Variants in ZNF223 observed in about 807,000 individuals in gnomAD.
The protein encoded by ZNF223 is Homo sapiens zinc finger protein 223.
Under a neutral mutation model 12.3 loss-of-function variants are expected in ZNF223, and 9 were observed. The observed-to-expected ratio is 0.73, with a 90% CI of 0.44 to 1.28. The LOEUF is 1.28. Among genes scored for constraint, ZNF223 ranks in the 50% most tolerant of loss-of-function variants. The pLI, the probability that ZNF223 is intolerant of heterozygous loss-of-function variation, is 0.00. For missense variants in ZNF223, 506 were observed against 579.0 expected, an observed-to-expected ratio of 0.87 and a Z score of 1.29; for synonymous variants, 171 against 195.2, an observed-to-expected ratio of 0.88 and a Z score of 1.03.
In ZNF223 at chr19:44,066,788, A is replaced by T; in HGVS notation, c.960A>T (p.Glu320Asp). 1 of 1,614,224 alleles carries T rather than the reference A, an allele frequency of 6.2e-7. No individual in the cohort carries two copies. Among genetic ancestry groups the T allele is most frequent in the Non-Finnish European group, 8.5e-7 (1 of 1,180,036 alleles). ...HTGKKPNSTG[E>D]YGKGFIRRLD... ...GAAAGAAACCAAACAGCACTGGGGA[A>T]TATGGAAAAGGCTTCATTCGTAGGC... Residue 320 changes from glutamate to aspartate, a missense_variant, in exon 5 of 5, where the codon GAA (glutamate) becomes GAT (aspartate). Physicochemically the swap from Glu to Asp is conservative, Grantham distance 45. Transcript: ENST00000434772.
At position 44,067,298 on chromosome 19, in the gene ZNF223, G is replaced by A; in HGVS notation, c.*21G>A. ...CGTAAGTGTTGTACATATTTATGGG[G>A]TACAGTGTGATATTTAAATATATGT... On this transcript the variant is annotated 3_prime_UTR_variant, in exon 5 of 5. Coordinates refer to ENST00000434772, the MANE Select transcript of ZNF223 (RefSeq NM_013361.6). 6.3e-7 allele frequency: 1 copy of A among 1,585,184 alleles called. No homozygotes were observed. Among genetic ancestry groups the A allele is most frequent in the Non-Finnish European group, 8.6e-7 (1 of 1,161,556 alleles).
intron 2 of ZNF223, among the ~76,000 whole-genome samples, chr19:44,058,118 A>G (rs1976792349): frequency 6.6e-6 from 1 of 152,208 alleles, no homozygotes; most frequent in African/African-American, 2.4e-5. Context: ...CTTCCAGGTG[A>G]GAGAGGAACA....
At position 44,057,648 on chromosome 19, in the gene ZNF223, C is replaced by T. The variant is rs1210815660; in HGVS notation, c.15+2457C>T. Among the ~76,000 whole-genome samples the T allele has an allele frequency of 2.6e-5, 4 of 152,168 alleles. No homozygotes were observed. The South Asian group carries it at 6.2e-4, about 24-fold the overall frequency. On this transcript the variant is annotated intron_variant, in intron 2 of 4. Coordinates refer to ENST00000434772, the MANE Select transcript of ZNF223 (RefSeq NM_013361.6). ...AGAGGGAACAAGCCTTGTAGGAAAACATGTCTGAGGTCACATGGTTAGAAA... is the reference window on the plus strand; with the variant it reads ...AGAGGGAACAAGCCTTGTAGGAAAATATGTCTGAGGTCACATGGTTAGAAA...
rs1363064056 is a variant in ZNF223, at chr19:44,060,317, A to G, written c.16-138A>G. ...ATTGTCAGGACACAGACTAGAATGA[A>G]TGGGAATTCTATAAGTTGACCTACA... On this transcript the variant is annotated intron_variant, in intron 2 of 4. Coordinates refer to ENST00000434772, the MANE Select transcript of ZNF223 (RefSeq NM_013361.6). 2.9e-6 allele frequency: 4 copies of G among 1,379,596 alleles called. No homozygotes were observed. The African/African-American group carries it at 4.3e-5, about 15-fold the overall frequency. The allele number at this position is 1,379,596 out of a possible 1,614,324, so 85.5% of individuals were successfully genotyped here. A position where few individuals can be genotyped will look rare whatever the true frequency, so the allele number is the denominator to read the frequency against.
chr19:44,067,672 T>A lies in ZNF223; in HGVS notation c.*395T>A, dbSNP rs1375349416. The A allele has an allele frequency of 2.6e-6, 1 of 383,608 alleles. No homozygotes were observed. The highest frequency in any genetic ancestry group is 5.1e-6 in the Non-Finnish European group (1 of 197,350). 23.8% of individuals were successfully genotyped at this position (383,608 alleles called of 1,614,324 possible). A position where few individuals can be genotyped will look rare whatever the true frequency, so the allele number is the denominator to read the frequency against. ...GCCATAGCTCAGCATACCCCAGTGG[T>A]CGTGGGACTGTCAGAGCAGAGAATG... On this transcript the variant is annotated 3_prime_UTR_variant, in exon 5 of 5. Transcript: ENST00000434772.
rs776677411 is a variant in ZNF223 at position 44,066,429 on chromosome 19, G to C, written c.601G>C (p.Glu201Gln). ...LHIHQRVHLG[E>Q]KLFKCDVCGK... ...TATTCATCAGAGAGTCCACCTGGGAGAGAAACTCTTTAAGTGTGACGTGTG... is the reference window on the plus strand; with the variant it reads ...TATTCATCAGAGAGTCCACCTGGGACAGAAACTCTTTAAGTGTGACGTGTG... Residue 201 changes from glutamate (E) to glutamine (Q), a missense_variant, in exon 5 of 5, where the codon GAG becomes CAG. Glu to Gln is a conservative substitution (Grantham distance 29). Transcript: ENST00000434772. 1 of 1,613,076 alleles carries C rather than the reference G, an allele frequency of 6.2e-7. No individual in the cohort carries two copies.
intron 1 of ZNF223, among the ~76,000 whole-genome samples, chr19:44,052,449 T>C (rs910280549): frequency 6.6e-6 from 1 of 152,180 alleles, no homozygotes; most frequent in Non-Finnish European, 1.5e-5. Flanking sequence ...TATAGGGTCA[T>C]CCTAATAGAA....
intron 4 of ZNF223, among the ~76,000 whole-genome samples, chr19:44,064,781 C>T (rs1472456675): frequency 6.6e-6 from 1 of 152,122 alleles, no homozygotes; most frequent in Non-Finnish European, 1.5e-5. Flanking sequence ...CCAAATAAGA[C>T]AGAGTCCAGT....
intron 4 of ZNF223, among the ~76,000 whole-genome samples, chr19:44,064,084 A>C (rs1379873618): frequency 6.6e-6 from 1 of 152,194 alleles, no homozygotes; most frequent in African/African-American, 2.4e-5. Context: ...TATAACCTGG[A>C]CAGTTTTCAT....
rs775187674 is a variant in ZNF223 at position 44,056,585 on chromosome 19, A to ATTTTT, written c.15+1416_15+1420dup. On this transcript the variant is annotated intron_variant, in intron 2 of 4. Transcript: ENST00000434772. ...TCCTTATGGCATAAAATGCCTCACC[A>ATTTTT]TTTTTTTTTTTTTTTTTTTTTTTTT... is the stretch of plus-strand genomic sequence containing the variant. Among the ~76,000 whole-genome samples, 36 of 72,158 alleles carry ATTTTT rather than the reference A, an allele frequency of 5.0e-4. 1 individual carries two copies. Among genetic ancestry groups the ATTTTT allele is most frequent in the Admixed American group, 1.1e-3 (5 of 4,378 alleles). 47.3% of individuals were successfully genotyped at this position (72,158 alleles called of 152,430 possible).
At chr19:44,057,781 T>G (rs1599868214) in intron 2 of ZNF223, among the ~76,000 whole-genome samples, 2 of 152,238 alleles carry the variant, frequency 1.3e-5, no homozygotes, top group Non-Finnish European at 2.9e-5. Context: ...GAAGACACAC[T>G]GCATAACTGT....
intron 2 of ZNF223, among the ~76,000 whole-genome samples, chr19:44,059,649 G>T (rs776259428): frequency 7.9e-5 from 12 of 152,208 alleles, no homozygotes; most frequent in Non-Finnish European, 1.3e-4. Flanking sequence ...GGCTGAGGTG[G>T]TGCAGCGACC....
intron 2 of ZNF223, among the ~76,000 whole-genome samples, chr19:44,057,999 G>C (rs962995269): frequency 2.0e-4 from 31 of 152,174 alleles, no homozygotes; most frequent in African/African-American, 6.3e-4. Context: ...AATCTTGACT[G>C]TATGTGCCCC....
chr19:44,057,883 A>G (rs1245123827), intron 2 of ZNF223, among the ~76,000 whole-genome samples: 2 of 152,254 alleles, frequency 1.3e-5, no homozygotes, highest in South Asian at 2.1e-4. Context: ...AACAGATTGC[A>G]TGAAGCAGAT....
chr19:44,060,535 G>A lies in ZNF223; in HGVS notation c.96G>A (p.Leu32=), dbSNP rs757296070. The A allele has an allele frequency of 5.6e-6, 9 of 1,614,148 alleles. No individual in the cohort carries two copies. In the South Asian group the frequency reaches 8.8e-5, roughly 16 times the overall value. The change falls in exon 3 of 5, where the codon CTG becomes CTA. Residue 32 remains leucine, a synonymous_variant. Coordinates refer to ENST00000434772, the MANE Select transcript of ZNF223 (RefSeq NM_013361.6). Reference sequence around the variant, plus strand: ...TGCTGGACCTTGCCCAGAGGAAGCTGTATCGAGATGTGATGCTGGAGAACT... The same window carrying A: ...TGCTGGACCTTGCCCAGAGGAAGCTATATCGAGATGTGATGCTGGAGAACT... ...LGLLDLAQRK[L]YRDVMLENFR...
intron 4 of ZNF223, among the ~76,000 whole-genome samples, chr19:44,064,482 G>C (rs1029661748): frequency 1.3e-5 from 2 of 152,106 alleles, no homozygotes; most frequent in Non-Finnish European, 2.9e-5. Flanking sequence ...TATTTTATAT[G>C]TGTCATGCAA....
Position 44,067,325 on chromosome 19 carries a change from T to C in ZNF223, c.*48T>C, listed in dbSNP as rs1223977939. 6.7e-7 allele frequency: 1 copy of C among 1,501,824 alleles called. No individual in the cohort carries two copies. The highest frequency in any genetic ancestry group is 1.2e-5 in the South Asian group (1 of 85,046). 93.0% of individuals were successfully genotyped at this position (1,501,824 alleles called of 1,614,324 possible). ...ACAGTGTGATATTTAAATATATGTA[T>C]ATGATGTATAATGATCAAATCAGTG... On this transcript the variant is annotated 3_prime_UTR_variant, in exon 5 of 5. Transcript: ENST00000434772.
chr19:44,054,843 T>C (rs1976744564), intron 1 of ZNF223, among the ~76,000 whole-genome samples: 1 of 152,220 alleles, frequency 6.6e-6, no homozygotes, highest in Non-Finnish European at 1.5e-5. Flanking sequence ...TTTACTGTAA[T>C]GTTTTCAAGG....
intron 2 of ZNF223, 119 bp downstream of exon 2, chr19:44,055,310 C>A: frequency 1.8e-6 from 2 of 1,138,188 alleles, no homozygotes; most frequent in South Asian, 1.3e-5. Context: ...GATCTCTTGT[C>A]ACCTGGCTAA....
Sources: allele counts gnomAD v4.1 joint callset (sites outside exome capture counted in the v4.1 genomes callset), GRCh38; gene constraint gnomAD v4.1.1; transcripts MANE v1.5; gene names NCBI Gene and HGNC (gene_info 2026-07-23, HGNC 2026-07-21).